Variants in PDE3B observed in about 807,000 individuals in gnomAD.
The protein encoded by PDE3B is phosphodiesterase 3B.
Under a neutral mutation model 116.8 loss-of-function variants are expected in PDE3B, and 66 were observed. That is an observed-to-expected ratio of 0.56 (90% CI 0.46 to 0.69). PDE3B has a LOEUF of 0.69. Ranked by LOEUF, PDE3B falls within the 30% of genes least tolerant of loss-of-function variation. The probability of loss-of-function intolerance (pLI) is 0.00; values close to 1 mark genes in which losing one functional copy is unlikely to be tolerated. For missense variants in PDE3B, 1,384 were observed against 1,368.1 expected (o/e 1.01, Z -0.18); for synonymous variants, 595 against 533.6 (o/e 1.12, Z -1.59).
chr11:14,854,591 C>T (rs1178836839), intron 12 of PDE3B, among the ~76,000 whole-genome samples: 1 of 151,476 alleles, frequency 6.6e-6, no homozygotes, highest in Non-Finnish European at 1.5e-5. Flanking sequence ...GATCTTGGCT[C>T]ACTGCAACCT....
At chr11:14,798,784 T>C (rs1858643576) in intron 4 of PDE3B, among the ~76,000 whole-genome samples, 1 of 152,254 alleles carries the variant, frequency 6.6e-6, no homozygotes, top group Non-Finnish European at 1.5e-5. Flanking sequence ...TGATATCCCC[T>C]GTATCATTTT....
chr11:14,876,625 C>T (rs782475686), downstream of PDE3B, among the ~76,000 whole-genome samples: 1 of 152,142 alleles, frequency 6.6e-6, no homozygotes, highest in Non-Finnish European at 1.5e-5. Flanking sequence ...TCAGAACCTA[C>T]AGGACACAAA....
rs1858754550 is a variant in PDE3B, at chr11:14,801,303, CT to C, written c.1416-2638del. ...CTTTGTGGATTTATCTACCTTTGGTCTTTGATGTTTGTGACCTTCAGATGGG... is the reference window on the plus strand; with the variant it reads ...CTTTGTGGATTTATCTACCTTTGGTCTTGATGTTTGTGACCTTCAGATGGG... On this transcript the variant is annotated intron_variant, in intron 4 of 15. Coordinates refer to ENST00000282096, the MANE Select transcript of PDE3B (RefSeq NM_000922.4). 3.9e-5 allele frequency among the ~76,000 whole-genome samples: 6 copies of C among 152,266 alleles called. No individual in the cohort carries two copies. The South Asian group carries it at 1.2e-3, about 32-fold the overall frequency.
At chr11:14,836,209 T>C (rs922164625) in intron 11 of PDE3B, among the ~76,000 whole-genome samples, 1 of 152,202 alleles carries the variant, frequency 6.6e-6, no homozygotes, top group Non-Finnish European at 1.5e-5. Flanking sequence ...TTAGCTGTCA[T>C]TTTGTCTTAG....
At chr11:14,655,018 A>G (rs544810364) in intron 1 of PDE3B, among the ~76,000 whole-genome samples, 1 of 152,320 alleles carries the variant, frequency 6.6e-6, no homozygotes, top group Non-Finnish European at 1.5e-5. Context: ...ATAGAAATAA[A>G]TCTAGATACT....
intron 4 of PDE3B, among the ~76,000 whole-genome samples, chr11:14,789,882 A>T (rs910258060): frequency 6.6e-6 from 1 of 152,016 alleles, no homozygotes; most frequent in Non-Finnish European, 1.5e-5. Context: ...ATTTAATAAT[A>T]CAGTACTTTG....
rs1309900070 is a variant in PDE3B, at chr11:14,718,658, C to A, written c.979-53279C>A. On this transcript the variant is annotated intron_variant, in intron 1 of 15. Transcript: ENST00000282096. The stretch of plus-strand genomic sequence containing the variant: ...AACTACATGGAAACTGAACAACCTG[C>A]TCCTGAATGACTACTGGGTACATAA... Among the ~76,000 whole-genome samples the A allele has an allele frequency of 2.3e-3, 345 of 150,684 alleles. 2 individuals are homozygous for A. Among genetic ancestry groups the A allele is most frequent in the African/African-American group, 8.1e-3 (333 of 41,018 alleles).
chr11:14,745,358 T>A lies in PDE3B; in HGVS notation c.979-26579T>A, dbSNP rs527453700. The stretch of plus-strand genomic sequence containing the variant: ...ATTTTTAAGGTTTTGGTTTTTTGCT[T>A]GAGTCTTGTTTGTGATCTAACTATA... On this transcript the variant is annotated intron_variant, in intron 1 of 15. Coordinates refer to ENST00000282096, the MANE Select transcript of PDE3B (RefSeq NM_000922.4). Among the ~76,000 whole-genome samples the A allele has an allele frequency of 2.2e-4, 34 of 152,308 alleles. 1 individual carries two copies. In the South Asian group the frequency reaches 6.4e-3, roughly 29 times the overall value.
chr11:14,665,860 A>G (rs1854123046), intron 1 of PDE3B, among the ~76,000 whole-genome samples: 1 of 152,164 alleles, frequency 6.6e-6, no homozygotes. Context: ...ATACTGCCCA[A>G]GGTAATTTAT....
intron 11 of PDE3B, among the ~76,000 whole-genome samples, chr11:14,841,920 T>G (rs908911733): frequency 6.6e-6 from 1 of 151,516 alleles, no homozygotes; most frequent in Non-Finnish European, 1.5e-5. Flanking sequence ...CAAGATTGCT[T>G]TGGCTACTTG....
chr11:14,800,325 C>T (rs1215204830), intron 4 of PDE3B, among the ~76,000 whole-genome samples: 1 of 152,016 alleles, frequency 6.6e-6, no homozygotes, highest in Non-Finnish European at 1.5e-5. Context: ...GTTAGCTGGG[C>T]GTGGTGGTGC....
At chr11:14,780,735 C>G (rs1347279764) in intron 2 of PDE3B, among the ~76,000 whole-genome samples, 1 of 151,990 alleles carries the variant, frequency 6.6e-6, no homozygotes, top group East Asian at 1.9e-4. Context: ...AATTGACACC[C>G]TAATATCACA....
At chr11:14,784,939 G>A (rs568267835) in intron 2 of PDE3B, among the ~76,000 whole-genome samples, 2 of 152,168 alleles carry the variant, frequency 1.3e-5, no homozygotes, top group African/African-American at 2.4e-5. Flanking sequence ...AACAAAAATT[G>A]TTTTTGTGTG....
intron 12 of PDE3B, among the ~76,000 whole-genome samples, chr11:14,849,951 C>G (rs1847705801): frequency 1.3e-5 from 2 of 151,986 alleles, no homozygotes; most frequent in Admixed American, 1.3e-4. Context: ...GGATCTAGAA[C>G]TAGAAATACC....
chr11:14,768,101 T>A (rs1857546147), intron 1 of PDE3B, among the ~76,000 whole-genome samples: 1 of 151,538 alleles, frequency 6.6e-6, no homozygotes, highest in Non-Finnish European at 1.5e-5. Context: ...CACATTTTTT[T>A]CTGATGATTG....
At chr11:14,892,074 C>T in the PDE3B span, 2 of 1,611,960 alleles carry the variant, frequency 1.2e-6, no homozygotes, top group East Asian at 4.5e-5. Context: ...ATGGCAGCCC[C>T]GGCGGCCCCG....
chr11:14,740,395 G>A (rs909744414), intron 1 of PDE3B, among the ~76,000 whole-genome samples: 2 of 152,174 alleles, frequency 1.3e-5, no homozygotes, highest in African/African-American at 4.8e-5. Context: ...GCATAGAGAT[G>A]TTTATAGTAC....
At chr11:14,844,434 T>G (rs1480266788) in intron 12 of PDE3B, among the ~76,000 whole-genome samples, 1 of 152,232 alleles carries the variant, frequency 6.6e-6, no homozygotes, top group Non-Finnish European at 1.5e-5. Context: ...TTTCTGCATT[T>G]CCATCGGAGG....
At chr11:14,896,621 T>A in the PDE3B span, among the ~76,000 whole-genome samples, 9 of 152,348 alleles carry the variant, frequency 5.9e-5, no homozygotes, top group African/African-American at 2.2e-4. Flanking sequence ...GGTCAGTAAT[T>A]GTAGTCTGCA....
Sources: gnomAD v4.1 joint callset for allele counts (sites outside exome capture counted in the v4.1 genomes callset) on GRCh38, gnomAD v4.1.1 for gene constraint, MANE v1.5 for transcripts, NCBI Gene and HGNC (gene_info 2026-07-23, HGNC 2026-07-21) for gene names.